Variants in NXPE2 observed in about 807,000 individuals in gnomAD.
NXPE2 encodes neurexophilin and PC-esterase domain family member 2.
A neutral mutation model predicts 34.4 loss-of-function variants in NXPE2; 34 were observed. That is an observed-to-expected ratio of 0.99 (90% CI 0.75 to 1.31). The LOEUF is 1.31. Among genes scored for constraint, NXPE2 ranks in the 40% most tolerant of loss-of-function variants. The pLI is 0.00. For missense variants in NXPE2, 649 were observed against 672.5 expected, an observed-to-expected ratio of 0.97 and a Z score of 0.39; for synonymous variants, 235 against 231.3, an observed-to-expected ratio of 1.02 and a Z score of -0.15.
At chr11:114,625,466 C>T in the NXPE2 span, among the ~76,000 whole-genome samples, 1 of 146,242 alleles carries the variant, frequency 6.8e-6, no homozygotes, top group Non-Finnish European at 1.5e-5. Context: ...TAACCACTGT[C>T]ACCCGGTGGA....
rs555263215 is a variant in NXPE2 at position 114,706,603 on chromosome 11, C to T, written c.1353C>T (p.Gly451=). ...ACACAGCCATTGTCATTACCCTCGGCCAACACTTCAGACCCTTTCCCATCA... is the reference window on the plus strand; with the variant it reads ...ACACAGCCATTGTCATTACCCTCGGTCAACACTTCAGACCCTTTCCCATCA... The part of the protein sequence containing the change: ...DKNTAIVITL[G]QHFRPFPINI... Residue 451 remains glycine, a synonymous_variant, in exon 6 of 6, where the codon GGC becomes GGT. Coordinates refer to ENST00000389586, the MANE Select transcript of NXPE2 (RefSeq NM_182495.6). 3.2e-6 allele frequency: 5 copies of T among 1,551,848 alleles called. No homozygotes were observed. The highest frequency in any genetic ancestry group is 4.4e-6 in the Non-Finnish European group (5 of 1,146,962).
chr11:114,745,784 A>G, the NXPE2 span, among the ~76,000 whole-genome samples: 1 of 152,170 alleles, frequency 6.6e-6, no homozygotes, highest in Non-Finnish European at 1.5e-5. Context: ...GAAGAAAATA[A>G]GAGAAAAATT....
At chr11:114,667,782 C>T in the NXPE2 span, among the ~76,000 whole-genome samples, 1 of 152,068 alleles carries the variant, frequency 6.6e-6, no homozygotes, top group Non-Finnish European at 1.5e-5. Context: ...CCAGTCAGGC[C>T]TTCAGATGAT....
upstream of NXPE2, among the ~76,000 whole-genome samples, chr11:114,674,642 G>A (rs1188153197): frequency 6.6e-6 from 1 of 151,486 alleles, no homozygotes; most frequent in Non-Finnish European, 1.5e-5. Context: ...TAACTACAAA[G>A]CAGTTAGAAA....
At chr11:114,467,654 G>A in the NXPE2 span, among the ~76,000 whole-genome samples, 2,066 of 152,188 alleles carry the variant, frequency 0.014, 39 homozygotes, top group African/African-American at 0.047. Flanking sequence ...CAAAACTATC[G>A]GCGGGTGCAG....
At chr11:114,614,608 G>T in the NXPE2 span, among the ~76,000 whole-genome samples, 2 of 151,810 alleles carry the variant, frequency 1.3e-5, no homozygotes, top group Non-Finnish European at 2.9e-5. Context: ...TTGCCTCGTG[G>T]GTAACCACTG....
the NXPE2 span, among the ~76,000 whole-genome samples, chr11:114,562,444 C>G: frequency 6.6e-6 from 1 of 152,230 alleles, no homozygotes; most frequent in Non-Finnish European, 1.5e-5. Flanking sequence ...CTGTTAAACT[C>G]TGTGTCCACC....
chr11:114,479,020 T>C, the NXPE2 span, among the ~76,000 whole-genome samples: 2 of 152,116 alleles, frequency 1.3e-5, no homozygotes, highest in Admixed American at 6.5e-5. Context: ...TAGGATAATA[T>C]TGTGAAATGT....
chr11:114,608,975 C>T, the NXPE2 span, among the ~76,000 whole-genome samples: 3 of 151,866 alleles, frequency 2.0e-5, no homozygotes, highest in Admixed American at 6.6e-5. Flanking sequence ...AGTGTTGCCT[C>T]GTGGGTAACC....
intron 2 of NXPE2, among the ~76,000 whole-genome samples, chr11:114,686,032 G>A (rs1951039808): frequency 6.6e-6 from 1 of 151,916 alleles, no homozygotes; most frequent in Non-Finnish European, 1.5e-5. Flanking sequence ...GCAATATTTT[G>A]CTAGTTTTGC....
chr11:114,786,544 G>C, the NXPE2 span, among the ~76,000 whole-genome samples: 2 of 152,178 alleles, frequency 1.3e-5, no homozygotes, highest in Non-Finnish European at 2.9e-5. Flanking sequence ...AGGCTGAGGA[G>C]TACAGGTTGC....
chr11:114,607,463 A>G, the NXPE2 span, among the ~76,000 whole-genome samples: 1 of 151,666 alleles, frequency 6.6e-6, no homozygotes, highest in Non-Finnish European at 1.5e-5. Context: ...GGTGGATGAT[A>G]AATATTGCCT....
chr11:114,509,213 C>T, the NXPE2 span, among the ~76,000 whole-genome samples: 1 of 152,168 alleles, frequency 6.6e-6, no homozygotes, highest in African/African-American at 2.4e-5. Context: ...TACCATCTCA[C>T]CCCAGTCAGA....
the NXPE2 span, among the ~76,000 whole-genome samples, chr11:114,770,220 G>A: frequency 3.3e-5 from 5 of 152,336 alleles, no homozygotes; most frequent in East Asian, 9.7e-4. Context: ...GAAATGGTGG[G>A]TTGAGGTCAG....
chr11:114,465,767 C>G, the NXPE2 span, among the ~76,000 whole-genome samples: 1 of 152,112 alleles, frequency 6.6e-6, no homozygotes, highest in African/African-American at 2.4e-5. Flanking sequence ...AATTCAAGGT[C>G]AGCCTGGACA....
chr11:114,588,253 C>CA, the NXPE2 span, among the ~76,000 whole-genome samples: 1 of 152,284 alleles, frequency 6.6e-6, no homozygotes, highest in East Asian at 1.9e-4. Flanking sequence ...CCCCACTCCC[C>CA]TAGCTTCACT....
At chr11:114,742,153 C>T in the NXPE2 span, among the ~76,000 whole-genome samples, 7 of 152,186 alleles carry the variant, frequency 4.6e-5, no homozygotes, top group East Asian at 7.7e-4. Context: ...CACTCTGAAA[C>T]GTTGAAGTTT....
chr11:114,500,639 C>T, the NXPE2 span, among the ~76,000 whole-genome samples: 1 of 151,958 alleles, frequency 6.6e-6, no homozygotes, highest in Non-Finnish European at 1.5e-5. Flanking sequence ...ATCACTTTTT[C>T]TTCTATGGTT....
At chr11:114,624,153 G>T in the NXPE2 span, among the ~76,000 whole-genome samples, 2 of 152,104 alleles carry the variant, frequency 1.3e-5, no homozygotes, top group Non-Finnish European at 1.5e-5. Context: ...ATTGCCTCAT[G>T]TGTAACCAAT....
Sources: allele counts gnomAD v4.1 joint callset (sites outside exome capture counted in the v4.1 genomes callset), GRCh38; gene constraint gnomAD v4.1.1; transcripts MANE v1.5; gene names NCBI Gene and HGNC (gene_info 2026-07-23, HGNC 2026-07-21).